Variants in PRMT3 observed in about 807,000 individuals in gnomAD.
The protein encoded by PRMT3 is protein arginine N-methyltransferase 3.
A neutral mutation model predicts 71.9 loss-of-function variants in PRMT3; 62 were observed. That is an observed-to-expected ratio of 0.86 (90% CI 0.70 to 1.07). The LOEUF (loss-of-function observed/expected upper bound fraction) is 1.07, where lower values mean the gene tolerates loss of function less well. Among genes scored for constraint, PRMT3 ranks in the 50% least tolerant of loss-of-function variants. PRMT3 has a pLI of 0.00. For synonymous variants in PRMT3, 213 were observed against 220.4 expected, an observed-to-expected ratio of 0.97 and a Z score of 0.30; for missense variants, 663 against 643.0, an observed-to-expected ratio of 1.03 and a Z score of -0.34.
At chr11:20,422,610 G>A (rs1174252382) in intron 9 of PRMT3, among the ~76,000 whole-genome samples, 5 of 152,162 alleles carry the variant, frequency 3.3e-5, no homozygotes, top group East Asian at 1.9e-4. Context: ...ATTTCCTACC[G>A]AGGTTAGGTA....
At chr11:20,389,669 G>A in intron 2 of PRMT3, 75 bp from the exon 3 acceptor site, 2 of 878,498 alleles carry the variant, frequency 2.3e-6, no homozygotes, top group East Asian at 2.9e-5. Flanking sequence ...AAAAAAAAAA[G>A]TGTATATGTA....
At chr11:20,417,822 A>G (rs1210002270) in intron 9 of PRMT3, among the ~76,000 whole-genome samples, 2 of 151,096 alleles carry the variant, frequency 1.3e-5, no homozygotes, top group Non-Finnish European at 2.9e-5. Context: ...CACAGACACA[A>G]CCCTCTTCTA....
At chr11:20,457,561 G>C (rs950880359) in intron 11 of PRMT3, among the ~76,000 whole-genome samples, 3 of 152,196 alleles carry the variant, frequency 2.0e-5, no homozygotes, top group Admixed American at 6.5e-5. Flanking sequence ...GTCTAAATGA[G>C]GTGCTTGACA....
intron 10 of PRMT3, among the ~76,000 whole-genome samples, chr11:20,447,371 T>C (rs1850054135): frequency 6.6e-6 from 1 of 151,946 alleles, no homozygotes; most frequent in East Asian, 1.9e-4. Context: ...TGCCGGTGAG[T>C]AGAGCCCAGG....
intron 15 of PRMT3, among the ~76,000 whole-genome samples, chr11:20,505,394 T>C (rs1382714998): frequency 6.6e-6 from 1 of 152,210 alleles, no homozygotes; most frequent in Admixed American, 6.5e-5. Context: ...AACTACTTTA[T>C]ACCAGCAACT....
At chr11:20,415,743 GT>G (rs1453428254) in intron 9 of PRMT3, among the ~76,000 whole-genome samples, 2 of 152,110 alleles carry the variant, frequency 1.3e-5, no homozygotes, top group African/African-American at 4.8e-5. Context: ...GAATCTTCAT[GT>G]TTACTTTAAA....
chr11:20,505,599 T>C (rs1401645997), intron 15 of PRMT3, among the ~76,000 whole-genome samples: 1 of 152,228 alleles, frequency 6.6e-6, no homozygotes, highest in Admixed American at 6.5e-5. Context: ...ATAATGTGGC[T>C]GTTCGTTCCC....
intron 13 of PRMT3, among the ~76,000 whole-genome samples, chr11:20,473,441 A>T (rs939673475): frequency 2.0e-5 from 3 of 152,066 alleles, no homozygotes; most frequent in Admixed American, 6.6e-5. Context: ...CTTTGTTCTC[A>T]TTAGTTTCAA....
rs545932139 is a variant in PRMT3, at chr11:20,393,229, C to T, written c.400+230C>T. Among the ~76,000 whole-genome samples, 6 of 152,272 alleles carry T rather than the reference C, an allele frequency of 3.9e-5. No individual in the cohort carries two copies. The South Asian group carries it at 1.2e-3, about 32-fold the overall frequency. On this transcript the variant is annotated intron_variant, in intron 5 of 15. Transcript: ENST00000331079. The stretch of plus-strand genomic sequence containing the variant: ...TTTGGGAGGCTAAAAGGGCAGATCA[C>T]GAGGTCAGGAGATCCAGACCATCAT...
At chr11:20,395,200 T>C (rs1358744587) in intron 5 of PRMT3, among the ~76,000 whole-genome samples, 3 of 152,134 alleles carry the variant, frequency 2.0e-5, no homozygotes, top group African/African-American at 7.2e-5. Flanking sequence ...CTTTCTACTT[T>C]TTTCTTTCTT....
chr11:20,393,862 G>A (rs1003736969), intron 5 of PRMT3: 6 of 152,200 alleles, frequency 3.9e-5, no homozygotes, highest in African/African-American at 1.4e-4. Flanking sequence ...GAGGTTTGTA[G>A]TAGGAAGTAG....
chr11:20,503,568 G>A (rs1375338798), intron 15 of PRMT3, among the ~76,000 whole-genome samples: 7 of 151,718 alleles, frequency 4.6e-5, no homozygotes, highest in Non-Finnish European at 1.0e-4. Flanking sequence ...TTATATGTTA[G>A]TATTACCTTT....
intron 10 of PRMT3, among the ~76,000 whole-genome samples, chr11:20,446,494 G>A (rs911733034): frequency 6.6e-6 from 1 of 152,066 alleles, no homozygotes; most frequent in Non-Finnish European, 1.5e-5. Context: ...TTTTAACATA[G>A]TCAAATGTAT....
At chr11:20,482,243 A>T (rs1362140610) in intron 13 of PRMT3, among the ~76,000 whole-genome samples, 5 of 152,116 alleles carry the variant, frequency 3.3e-5, no homozygotes, top group Non-Finnish European at 7.4e-5. Context: ...TCAGCATTTT[A>T]AAAAATTCTG....
chr11:20,477,380 A>C (rs555946362), intron 13 of PRMT3, among the ~76,000 whole-genome samples: 33 of 152,236 alleles, frequency 2.2e-4, no homozygotes, highest in African/African-American at 7.2e-4. Context: ...GTTCAACACC[A>C]GCCCAGTCTC....
rs1252057956 is a variant in PRMT3 at position 20,402,922 on chromosome 11, A to C, written c.709A>C (p.Lys237Gln). Residue 237 changes from lysine to glutamine, a missense_variant, in exon 8 of 16, where the codon AAA (lysine) becomes CAA (glutamine). Lys to Gln is a moderately conservative substitution (Grantham distance 53, BLOSUM62 1). Coordinates refer to ENST00000331079, the MANE Select transcript of PRMT3 (RefSeq NM_005788.4). ...YGIHEEMLKD[K>Q]IRTESYRDFI... ...CGTTTTCCTCTCTCCACCCTAGGAC[A>C]AAATACGAACAGAAAGCTACCGAGA... 1 of 1,608,166 alleles carries C rather than the reference A, an allele frequency of 6.2e-7. No individual in the cohort carries two copies. Among genetic ancestry groups the C allele is most frequent in the Non-Finnish European group, 8.5e-7 (1 of 1,174,738 alleles).
chr11:20,422,829 C>G (rs1849457095), intron 9 of PRMT3, among the ~76,000 whole-genome samples: 1 of 152,164 alleles, frequency 6.6e-6, no homozygotes, highest in African/African-American at 2.4e-5. Context: ...CAGTTTTAAA[C>G]TTTATTAATA....
intron 15 of PRMT3, among the ~76,000 whole-genome samples, chr11:20,498,476 C>T (rs1439722052): frequency 1.3e-5 from 2 of 152,154 alleles, no homozygotes; most frequent in Non-Finnish European, 2.9e-5. Context: ...TGCCTGTAAT[C>T]CTAGCACTTT....
At chr11:20,397,193 A>G (rs1169067844) in intron 6 of PRMT3, among the ~76,000 whole-genome samples, 3 of 152,228 alleles carry the variant, frequency 2.0e-5, no homozygotes, top group Non-Finnish European at 4.4e-5. Flanking sequence ...AATACTCCCA[A>G]GAAATAATAT....
Sources: gnomAD v4.1 joint callset for allele counts (sites outside exome capture counted in the v4.1 genomes callset) on GRCh38, gnomAD v4.1.1 for gene constraint, MANE v1.5 for transcripts, NCBI Gene and HGNC (gene_info 2026-07-23, HGNC 2026-07-21) for gene names.